G3BP1: variants seen among roughly 807,000 people sequenced by gnomAD.
G3BP1 encodes the protein G3BP stress granule assembly factor 1, also known as ras GTPase-activating protein-binding protein 1.
G3BP1 carries 35 observed loss-of-function variants against 58.6 expected under a neutral mutation model. That is an observed-to-expected ratio of 0.60 (90% CI 0.46 to 0.79). G3BP1 has a LOEUF of 0.79. Ranked by LOEUF, G3BP1 falls within the 30% of genes least tolerant of loss-of-function variation. The pLI is 0.00. For missense variants in G3BP1, 523 were observed against 580.8 expected (o/e 0.90, Z 1.02); for synonymous variants, 191 against 195.4 (o/e 0.98, Z 0.19).
At chr5:151,784,189 G>A (rs1365282683) in intron 1 of G3BP1, among the ~76,000 whole-genome samples, 1 of 152,104 alleles carries the variant, frequency 6.6e-6, no homozygotes, top group Non-Finnish European at 1.5e-5. Flanking sequence ...TCAAACTTCT[G>A]GGCCCTAGCA....
chr5:151,806,488 T>A lies in G3BP1; in HGVS notation c.*2397T>A, dbSNP rs1176393757. Reference sequence around the variant, plus strand: ...TTTCTGTCATCAGAGTTGGGATGATTGTGAGGTTTTGAATGATAGTATTGG... The same window carrying A: ...TTTCTGTCATCAGAGTTGGGATGATAGTGAGGTTTTGAATGATAGTATTGG... On this transcript the variant is annotated 3_prime_UTR_variant, in exon 12 of 12. Transcript: ENST00000356245. The A allele has an allele frequency of 2.0e-5, 3 of 152,272 alleles. No homozygotes were observed. Among genetic ancestry groups the A allele is most frequent in the South Asian group, 4.1e-4 (2 of 4,830 alleles). 9.4% of individuals were successfully genotyped at this position (152,272 alleles called of 1,614,324 possible).
rs370209054 is a variant in G3BP1, at chr5:151,800,640, A to G, written c.1085-120A>G. 4.6e-5 allele frequency: 32 copies of G among 695,906 alleles called. 1 individual carries two copies. The highest frequency in any genetic ancestry group is 4.5e-4 in the South Asian group (25 of 55,484). 43.1% of individuals were successfully genotyped at this position (695,906 alleles called of 1,614,324 possible). On this transcript the variant is annotated intron_variant, in intron 10 of 11. Transcript: ENST00000356245. ...GCACATCTCAATTCAGACTAGCTAT[A>G]TTTATAATTCAAGTGCTCAGTAGTC...
At chr5:151,793,427 A>G (rs1762695401) in intron 4 of G3BP1, among the ~76,000 whole-genome samples, 1 of 152,098 alleles carries the variant, frequency 6.6e-6, no homozygotes, top group Non-Finnish European at 1.5e-5. Flanking sequence ...ATTGCCTTAT[A>G]ATGTTTTGAG....
At position 151,795,550 on chromosome 5, in the gene G3BP1, A is replaced by G; in HGVS notation, c.514A>G (p.Thr172Ala). 1 of 1,601,326 alleles carries G rather than the reference A, an allele frequency of 6.2e-7. No individual in the cohort carries two copies. Among genetic ancestry groups the G allele is most frequent in the Non-Finnish European group, 8.6e-7 (1 of 1,168,856 alleles). ...TGAGGTGGTACCTGATGATTCTGGAACTTTCTATGATCAGGCAGTTGTCAG... is the reference window on the plus strand; with the variant it reads ...TGAGGTGGTACCTGATGATTCTGGAGCTTTCTATGATCAGGCAGTTGTCAG... Reference protein sequence around the residue: ...TPEVVPDDSGTFYDQAVVSND... With the variant: ...TPEVVPDDSGAFYDQAVVSND... The change falls in exon 6 of 12, where the codon ACT (threonine) becomes GCT (alanine). Residue 172 changes from threonine to alanine, a missense_variant. This residue lies in a region of G3BP1 where 398 missense variants were observed against 399.1 expected (regional missense o/e 1.00). Coordinates refer to ENST00000356245, the MANE Select transcript of G3BP1 (RefSeq NM_005754.3).
At chr5:151,777,090 T>G (rs1185645124) in intron 1 of G3BP1, among the ~76,000 whole-genome samples, 1 of 152,182 alleles carries the variant, frequency 6.6e-6, no homozygotes, top group Non-Finnish European at 1.5e-5. Context: ...TGACAGGTGG[T>G]AAATGCGAAG....
At chr5:151,796,072 T>C (rs1483549522) in intron 6 of G3BP1, among the ~76,000 whole-genome samples, 2 of 152,232 alleles carry the variant, frequency 1.3e-5, no homozygotes, top group Non-Finnish European at 2.9e-5. Flanking sequence ...TTGATAGCAA[T>C]AGAAATCCAT....
At chr5:151,788,320 C>T (rs1159915648) in intron 2 of G3BP1, among the ~76,000 whole-genome samples, 1 of 151,988 alleles carries the variant, frequency 6.6e-6, no homozygotes, top group African/African-American at 2.4e-5. Context: ...TTTGCAGATA[C>T]ACTCAGAGGG....
At chr5:151,775,813 G>A (rs1762359957) in intron 1 of G3BP1, among the ~76,000 whole-genome samples, 1 of 152,206 alleles carries the variant, frequency 6.6e-6, no homozygotes, top group South Asian at 2.1e-4. Context: ...GATACACTAA[G>A]ATAAAAGATA....
intron 1 of G3BP1, among the ~76,000 whole-genome samples, chr5:151,776,636 A>AT (rs1762375895): frequency 6.6e-6 from 1 of 151,370 alleles, no homozygotes; most frequent in Non-Finnish European, 1.5e-5. Flanking sequence ...TGTATTCTTC[A>AT]TGTTTTTTCT....
chr5:151,796,720 CT>C (rs147775755), intron 6 of G3BP1, among the ~76,000 whole-genome samples: 2,753 of 152,186 alleles, frequency 0.018, 84 homozygotes, highest in African/African-American at 0.061. Flanking sequence ...CCATCTTAAC[CT>C]TTTTTTCATC....
Position 151,798,223 on chromosome 5 carries a change from A to G in G3BP1, c.741+795A>G, listed in dbSNP as rs185859935. 8.5e-5 allele frequency among the ~76,000 whole-genome samples: 13 copies of G among 152,260 alleles called. No individual in the cohort carries two copies. In the East Asian group the frequency reaches 1.4e-3, roughly 16 times the overall value. ...AAATTAGCTGGGCATGGTGGTGCCT[A>G]TGTGTGGTCCCACCTGCTTGGGAGG... On this transcript the variant is annotated intron_variant, in intron 7 of 11. Transcript: ENST00000356245.
intron 6 of G3BP1, among the ~76,000 whole-genome samples, chr5:151,796,902 G>T (rs1581581186): frequency 1.9e-5 from 1 of 52,408 alleles, no homozygotes. Context: ...CCCCGCCCCA[G>T]CCTATTTTGA....
rs972516022 is a variant in G3BP1 at position 151,800,869 on chromosome 5, G to A, written c.1194G>A (p.Arg398=). 8.1e-6 allele frequency: 12 copies of A among 1,477,958 alleles called. No homozygotes were observed. Among genetic ancestry groups the A allele is most frequent in the African/African-American group, 1.4e-5 (1 of 71,220 alleles). The allele number at this position is 1,477,958 out of a possible 1,614,324, so 91.6% of individuals were successfully genotyped here. Residue 398 remains arginine, a splice_region_variant and synonymous_variant, in exon 11 of 12, where the codon AGG becomes AGA. Transcript: ENST00000356245. ...CTGTTCAGAAAGTCCTTAGCAACAGGGTAAGCAGCTTTTTGTCTTGATTTT... is the reference window on the plus strand; with the variant it reads ...CTGTTCAGAAAGTCCTTAGCAACAGAGTAAGCAGCTTTTTGTCTTGATTTT... The part of the protein sequence containing the change: ...SEPVQKVLSN[R]PIMFRGEVRL...
chr5:151,792,024 T>G, intron 4 of G3BP1: 2 of 445,848 alleles, frequency 4.5e-6, no homozygotes, highest in Non-Finnish European at 8.9e-6. Context: ...TCTTGAACAC[T>G]TATGGCAAAA....
intron 1 of G3BP1, among the ~76,000 whole-genome samples, chr5:151,786,204 G>A (rs930119857): frequency 6.6e-6 from 1 of 152,308 alleles, no homozygotes; most frequent in East Asian, 1.9e-4. Flanking sequence ...CAGGAGAATC[G>A]CTTGAACCTG....
intron 2 of G3BP1, 27 bp from the exon 3 acceptor site, chr5:151,790,296 C>A: frequency 1.7e-6 from 2 of 1,175,572 alleles, no homozygotes; most frequent in Non-Finnish European, 2.5e-6. Context: ...TTGAAGATGA[C>A]AAGTAAATCA....
chr5:151,794,104 A>G, intron 4 of G3BP1, 55 bp from the exon 5 acceptor site: 1 of 1,034,478 alleles, frequency 9.7e-7, no homozygotes, highest in Admixed American at 1.7e-5. Context: ...GTGTAGAGTG[A>G]TTTGACTTTC....
At chr5:151,779,990 C>T (rs1762438639) in intron 1 of G3BP1, among the ~76,000 whole-genome samples, 1 of 152,182 alleles carries the variant, frequency 6.6e-6, no homozygotes. Flanking sequence ...AGATTTTCAT[C>T]AGAGTGTTTT....
intron 1 of G3BP1, among the ~76,000 whole-genome samples, chr5:151,774,940 A>T (rs1348758814): frequency 1.3e-5 from 2 of 152,134 alleles, no homozygotes; most frequent in African/African-American, 4.8e-5. Flanking sequence ...CTTTTTTTAA[A>T]AAAGTATTCT....
Sources: allele counts gnomAD v4.1 joint callset (sites outside exome capture counted in the v4.1 genomes callset), GRCh38; gene constraint gnomAD v4.1.1; regional missense constraint gnomAD v4.1.1; transcripts MANE v1.5; gene names NCBI Gene and HGNC (gene_info 2026-07-23, HGNC 2026-07-21).